Variants in SYT10 observed in about 807,000 individuals in gnomAD.
SYT10 encodes the protein synaptotagmin-10.
Under a neutral mutation model 51.1 loss-of-function variants are expected in SYT10, and 31 were observed. That is an observed-to-expected ratio of 0.61 (90% CI 0.46 to 0.82). The LOEUF is 0.82. Ranked by LOEUF, SYT10 falls within the 40% of genes least tolerant of loss-of-function variation. The pLI, the probability that SYT10 is intolerant of heterozygous loss-of-function variation, is 0.00. For synonymous variants in SYT10, 233 were observed against 225.9 expected (o/e 1.03, Z -0.28); for missense variants, 603 against 634.0 (o/e 0.95, Z 0.53).
chr12:33,378,945 A>G (rs1866089805), intron 6 of SYT10, among the ~76,000 whole-genome samples: 2 of 152,128 alleles, frequency 1.3e-5, no homozygotes, highest in Admixed American at 1.3e-4. Flanking sequence ...ATATAAACAG[A>G]TATTGACGAT....
Position 33,407,068 on chromosome 12 carries a change from A to G in SYT10, c.798T>C (p.Thr266=). 6.2e-7 allele frequency: 1 copy of G among 1,614,210 alleles called. No individual in the cohort carries two copies. ...GATACATCTTCACATAAGGGTCAGAAGTTCCTGTGAAGTCTTTAGCAGGGA... is the reference window on the plus strand; with the variant it reads ...GATACATCTTCACATAAGGGTCAGAGGTTCCTGTGAAGTCTTTAGCAGGGA... ...LDLPAKDFTG[T]SDPYVKMYLL... is the part of the protein sequence containing the mutation. The change falls in exon 3 of 7, where the codon ACT becomes ACC. Residue 266 remains threonine, a synonymous_variant. Coordinates refer to ENST00000228567, the MANE Select transcript of SYT10 (RefSeq NM_198992.4).
At chr12:33,404,509 A>G (rs1184695480) in intron 3 of SYT10, among the ~76,000 whole-genome samples, 1 of 152,088 alleles carries the variant, frequency 6.6e-6, no homozygotes, top group Non-Finnish European at 1.5e-5. Context: ...CTCCTGATTC[A>G]GCCTCCCAAG....
chr12:33,380,032 A>T (rs1246574821), intron 5 of SYT10, 71 bp from the exon 6 acceptor site: 2 of 1,492,854 alleles, frequency 1.3e-6, no homozygotes, highest in Non-Finnish European at 1.8e-6. Context: ...AAATCGTAGT[A>T]GAATTTTAAA....
At chr12:33,412,704 C>G (rs1866417459) in intron 2 of SYT10, among the ~76,000 whole-genome samples, 2 of 152,134 alleles carry the variant, frequency 1.3e-5, no homozygotes, top group Middle Eastern at 3.4e-3. Context: ...CATCAAAGAC[C>G]AAAGGTAGAT....
rs1866048884 is a variant in SYT10, at chr12:33,374,721, T to C, written c.*2109A>G. On this transcript the variant is annotated 3_prime_UTR_variant, in exon 7 of 7. Transcript: ENST00000228567. ...ATTTAAAAAATTCTTTTAAAACTTA[T>C]TTTAATCTACAATTCCCATATTAGA... The C allele has an allele frequency of 4.6e-5, 7 of 152,048 alleles. No individual in the cohort carries two copies. Among genetic ancestry groups the C allele is most frequent in the Admixed American group, 3.3e-4 (5 of 15,256 alleles). The allele number at this position is 152,048 out of a possible 1,614,324, so 9.4% of individuals were successfully genotyped here. A position where few individuals can be genotyped will look rare whatever the true frequency, so the allele number is the denominator to read the frequency against.
In SYT10 at chr12:33,385,168, T is replaced by C. The variant is rs779995892; in HGVS notation, c.1198+3A>G. 27 of 1,613,508 alleles carry C rather than the reference T, an allele frequency of 1.7e-5. No homozygotes were observed. The highest frequency in any genetic ancestry group is 2.2e-5 in the East Asian group (1 of 44,864). ...CTTGGTCCTGTGGCCATTGTGTACA[T>C]ACCTGATGAGCCAGTAATATCCATC... On this transcript the variant is annotated splice_donor_region_variant and intron_variant, in intron 4 of 6. Transcript: ENST00000228567.
At position 33,379,549 on chromosome 12, in the gene SYT10, C is replaced by CAAAAAA. The variant is rs71068377; in HGVS notation, c.1500+277_1500+282dup. Among the ~76,000 whole-genome samples, 60 of 22,076 alleles carry CAAAAAA rather than the reference C, an allele frequency of 2.7e-3. 3 individuals are homozygous for CAAAAAA. The highest frequency in any genetic ancestry group is 3.0e-3 in the Non-Finnish European group (44 of 14,678). The allele number at this position is 22,076 out of a possible 152,430, so 14.5% of individuals were successfully genotyped here. On this transcript the variant is annotated intron_variant, in intron 6 of 6. Transcript: ENST00000228567. The stretch of plus-strand genomic sequence containing the variant: ...CACTGATGTAAGTTTTCAGGCTATG[C>CAAAAAA]AAAAAAAAAAAAAAAAAAAAAAAAA...
At chr12:33,431,474 T>C (rs1866596568) in intron 1 of SYT10, among the ~76,000 whole-genome samples, 1 of 152,166 alleles carries the variant, frequency 6.6e-6, no homozygotes, top group African/African-American at 2.4e-5. Context: ...ATAATGTCCA[T>C]TTTAAATTTA....
intron 3 of SYT10, among the ~76,000 whole-genome samples, chr12:33,396,535 G>A (rs1866257242): frequency 6.6e-6 from 1 of 152,026 alleles, no homozygotes; most frequent in Non-Finnish European, 1.5e-5. Flanking sequence ...GTAAGAAACT[G>A]GGAACATAAA....
chr12:33,409,663 C>A (rs1241915907), intron 2 of SYT10, among the ~76,000 whole-genome samples: 2 of 151,758 alleles, frequency 1.3e-5, no homozygotes, highest in Non-Finnish European at 2.9e-5. Flanking sequence ...ACAGGCGCCC[C>A]CTACCACGCC....
At chr12:33,382,060 T>C (rs1866119762) in intron 5 of SYT10, among the ~76,000 whole-genome samples, 1 of 152,210 alleles carries the variant, frequency 6.6e-6, no homozygotes, top group South Asian at 2.1e-4. Flanking sequence ...TTGTAATCTC[T>C]GTTGTTACTA....
intron 5 of SYT10, among the ~76,000 whole-genome samples, chr12:33,380,279 T>C (rs1482195627): frequency 2.6e-5 from 4 of 152,200 alleles, no homozygotes; most frequent in Non-Finnish European, 5.9e-5. Context: ...AGTGTCTTTC[T>C]TGGAAGCAGT....
chr12:33,421,690 A>C (rs1591995544), intron 2 of SYT10, among the ~76,000 whole-genome samples: 1 of 152,306 alleles, frequency 6.6e-6, no homozygotes, highest in East Asian at 1.9e-4. Context: ...TTAGATGCTG[A>C]AAATTTAGCA....
chr12:33,418,860 G>A (rs1003352849), intron 2 of SYT10, among the ~76,000 whole-genome samples: 5 of 152,132 alleles, frequency 3.3e-5, no homozygotes, highest in Non-Finnish European at 5.9e-5. Context: ...TTTCAATACA[G>A]CAGGCAGAAT....
chr12:33,392,501 C>T (rs1038384532), intron 3 of SYT10, among the ~76,000 whole-genome samples: 12 of 152,020 alleles, frequency 7.9e-5, no homozygotes, highest in African/African-American at 2.9e-4. Context: ...CATTGTGTTC[C>T]ATAGAGGTCA....
chr12:33,431,936 G>GA (rs57680461), intron 1 of SYT10, among the ~76,000 whole-genome samples: 3,272 of 152,064 alleles, frequency 0.022, 138 homozygotes, highest in African/African-American at 0.075. Context: ...ATTATGTTAA[G>GA]AAAAAATGCA....
intron 2 of SYT10, among the ~76,000 whole-genome samples, chr12:33,424,229 C>T (rs759958516): frequency 9.9e-5 from 15 of 152,076 alleles, no homozygotes; most frequent in African/African-American, 2.9e-4. Flanking sequence ...TCTTTGCTCA[C>T]GTGTTTTCAT....
intron 3 of SYT10, among the ~76,000 whole-genome samples, chr12:33,387,109 G>T (rs1866163539): frequency 6.6e-6 from 1 of 152,176 alleles, no homozygotes; most frequent in African/African-American, 2.4e-5. Context: ...CAGGTCCACA[G>T]AGCTGGGGTC....
chr12:33,384,743 A>G (rs1157939153), intron 4 of SYT10, among the ~76,000 whole-genome samples: 2 of 152,232 alleles, frequency 1.3e-5, no homozygotes, highest in African/African-American at 2.4e-5. Context: ...ATGCAAATGC[A>G]AATGGTAGTC....
Sources: allele counts gnomAD v4.1 joint callset (sites outside exome capture counted in the v4.1 genomes callset), GRCh38; gene constraint gnomAD v4.1.1; transcripts MANE v1.5; gene names NCBI Gene and HGNC (gene_info 2026-07-23, HGNC 2026-07-21).